Variants in CD82 observed in about 807,000 individuals in gnomAD.
CD82 encodes the protein CD82 molecule.
CD82 carries 36 observed loss-of-function variants against 37.4 expected under a neutral mutation model. That is an observed-to-expected ratio of 0.96 (90% CI 0.74 to 1.27). The LOEUF (loss-of-function observed/expected upper bound fraction) is 1.27, where lower values mean the gene tolerates loss of function less well. CD82 is among the 50% of genes most tolerant of loss of function. CD82 has a pLI of 0.00. For synonymous variants in CD82, 158 were observed against 137.4 expected (o/e 1.15, Z -1.05); for missense variants, 340 against 347.0 (o/e 0.98, Z 0.16).
At chr11:44,571,673 C>T (rs962486455) in intron 1 of CD82, among the ~76,000 whole-genome samples, 14 of 152,230 alleles carry the variant, frequency 9.2e-5, no homozygotes, top group African/African-American at 3.4e-4. Flanking sequence ...CTCCCGGGTT[C>T]AAGTGATTCT....
chr11:44,586,020 G>A (rs1853049441), intron 1 of CD82, among the ~76,000 whole-genome samples: 3 of 152,154 alleles, frequency 2.0e-5, no homozygotes, highest in East Asian at 1.9e-4. Flanking sequence ...CTGGCCAGGC[G>A]CTGCTGTACC....
Position 44,618,349 on chromosome 11 carries a change from G to C in CD82, c.626G>C (p.Trp209Ser). The C allele has an allele frequency of 6.2e-7, 1 of 1,613,268 alleles. No individual in the cohort carries two copies. The stretch of plus-strand genomic sequence containing the variant: ...CAGAGTGGCAACCACCCTGAGGACT[G>C]GCCTGTGTACCAGGAGGTGTGCGGG... ...RTQSGNHPED[W>S]PVYQEGCMEK... is the part of the protein sequence containing the mutation. The change falls in exon 8 of 10, where the codon TGG becomes TCG. Residue 209 changes from tryptophan (W) to serine (S), a missense_variant. Coordinates refer to ENST00000227155, the MANE Select transcript of CD82 (RefSeq NM_002231.4).
chr11:44,600,150 C>T lies in CD82; in HGVS notation c.64-8C>T, dbSNP rs373431121. ...GGCTCCCCATTAACTGCTCCCTTCTCCTTCCAGATCCTGGGCGCAGTGATC... is the reference window on the plus strand; with the variant it reads ...GGCTCCCCATTAACTGCTCCCTTCTTCTTCCAGATCCTGGGCGCAGTGATC... On this transcript the variant is annotated splice_region_variant and splice_polypyrimidine_tract_variant and intron_variant, in intron 3 of 9. Coordinates refer to ENST00000227155, the MANE Select transcript of CD82 (RefSeq NM_002231.4). The T allele has an allele frequency of 7.4e-6, 12 of 1,613,930 alleles. No homozygotes were observed. The highest frequency in any genetic ancestry group is 1.0e-5 in the Non-Finnish European group (12 of 1,179,862).
intron 1 of CD82, among the ~76,000 whole-genome samples, chr11:44,586,909 C>T (rs1853063428): frequency 6.6e-6 from 1 of 152,172 alleles, no homozygotes; most frequent in Non-Finnish European, 1.5e-5. Flanking sequence ...CAGGTGCAGC[C>T]CCTCCCCTTG....
At chr11:44,585,380 T>C in intron 1 of CD82, 1 of 452,354 alleles carries the variant, frequency 2.2e-6, no homozygotes, top group Admixed American at 2.4e-5. Context: ...ATTATTAAGT[T>C]CATTTTACAG....
At position 44,605,191 on chromosome 11, in the gene CD82, G is replaced by A. The variant is rs1340821136; in HGVS notation, c.261+9G>A. The A allele has an allele frequency of 6.2e-7, 1 of 1,612,682 alleles. No homozygotes were observed. The highest frequency in any genetic ancestry group is 8.5e-7 in the Non-Finnish European group (1 of 1,179,228). ...GCTGCCTGCTGGGGCTGGTGAGTAC[G>A]GATCCCTCCGCAGCTGCCTGCCCAT... On this transcript the variant is annotated intron_variant, in intron 5 of 9. Coordinates refer to ENST00000227155, the MANE Select transcript of CD82 (RefSeq NM_002231.4).
intron 1 of CD82, among the ~76,000 whole-genome samples, chr11:44,575,190 T>A (rs1275594107): frequency 6.6e-6 from 1 of 152,192 alleles, no homozygotes; most frequent in East Asian, 1.9e-4. Context: ...GGTATGTGTA[T>A]CTGTGAAAGA....
chr11:44,577,751 G>A (rs1167941669), intron 1 of CD82, among the ~76,000 whole-genome samples: 1 of 152,162 alleles, frequency 6.6e-6, no homozygotes, highest in African/African-American at 2.4e-5. Flanking sequence ...GGGGGTTCAT[G>A]GTACTCAGGA....
chr11:44,566,017 C>G (rs187218052), intron 1 of CD82: 4 of 152,172 alleles, frequency 2.6e-5, no homozygotes, highest in Admixed American at 1.3e-4. Context: ...TCCACGCTCC[C>G]GTTGCCCTTT....
intron 7 of CD82, among the ~76,000 whole-genome samples, chr11:44,616,749 C>G (rs1257339057): frequency 6.6e-6 from 1 of 152,218 alleles, no homozygotes; most frequent in Non-Finnish European, 1.5e-5. Context: ...AGTCACCATG[C>G]ACATCCATGG....
intron 3 of CD82, among the ~76,000 whole-genome samples, chr11:44,598,042 A>G (rs1853253318): frequency 6.6e-6 from 1 of 152,214 alleles, no homozygotes; most frequent in Non-Finnish European, 1.5e-5. Flanking sequence ...ACCTGCCACC[A>G]TCTGGCTTCC....
chr11:44,589,256 C>T (rs1328840959), intron 2 of CD82, among the ~76,000 whole-genome samples: 2 of 152,096 alleles, frequency 1.3e-5, no homozygotes, highest in Non-Finnish European at 2.9e-5. Context: ...AGCAAGAGTG[C>T]CTCAAAACAA....
chr11:44,582,217 G>T (rs961175433), intron 1 of CD82, among the ~76,000 whole-genome samples: 3 of 152,124 alleles, frequency 2.0e-5, no homozygotes, highest in Non-Finnish European at 4.4e-5. Context: ...GATAAGATCA[G>T]TGAAGCAACA....
intron 2 of CD82, among the ~76,000 whole-genome samples, chr11:44,590,829 G>C (rs1030136624): frequency 6.6e-6 from 1 of 152,088 alleles, no homozygotes; most frequent in Non-Finnish European, 1.5e-5. Context: ...AACCTCGGGG[G>C]CTCCTTGGAG....
intron 1 of CD82, among the ~76,000 whole-genome samples, chr11:44,578,509 C>G (rs943467669): frequency 6.6e-6 from 1 of 152,184 alleles, no homozygotes; most frequent in Non-Finnish European, 1.5e-5. Context: ...AGGGCCTTCT[C>G]ACGGCAATAA....
In CD82 at chr11:44,620,059, G is replaced by C. The variant is rs1471124666; in HGVS notation, c.*933G>C. 1 of 152,854 alleles carries C rather than the reference G, an allele frequency of 6.5e-6. No individual in the cohort carries two copies. The highest frequency in any genetic ancestry group is 1.5e-5 in the Non-Finnish European group (1 of 68,660). The allele number at this position is 152,854 out of a possible 1,614,324, so 9.5% of individuals were successfully genotyped here. On this transcript the variant is annotated 3_prime_UTR_variant, in exon 10 of 10. Coordinates refer to ENST00000227155, the MANE Select transcript of CD82 (RefSeq NM_002231.4). ...AGGGGAGCTGGGCTGGAGGGGGTCT[G>C]CCTGGGTAAGGGGATCTGGCTTGGC...
At chr11:44,568,763 G>A (rs1852773588) in intron 1 of CD82, among the ~76,000 whole-genome samples, 1 of 152,116 alleles carries the variant, frequency 6.6e-6, no homozygotes, top group Admixed American at 6.5e-5. Context: ...CCACAGCCTG[G>A]AAGCTCCCAC....
intron 1 of CD82, among the ~76,000 whole-genome samples, chr11:44,584,939 C>T (rs1354554275): frequency 1.3e-5 from 2 of 152,208 alleles, no homozygotes; most frequent in African/African-American, 4.8e-5. Flanking sequence ...GGGCTGGCAT[C>T]CAGGGCACAA....
intron 6 of CD82, among the ~76,000 whole-genome samples, chr11:44,608,692 A>G (rs1853434799): frequency 6.6e-6 from 1 of 152,242 alleles, no homozygotes; most frequent in African/African-American, 2.4e-5. Flanking sequence ...TTTGGTGGCA[A>G]AATTGAACCT....
Sources: gnomAD v4.1 joint callset for allele counts (sites outside exome capture counted in the v4.1 genomes callset) on GRCh38, gnomAD v4.1.1 for gene constraint, MANE v1.5 for transcripts, NCBI Gene and HGNC (gene_info 2026-07-23, HGNC 2026-07-21) for gene names.